Variants in RAB11FIP1 observed in about 807,000 individuals in gnomAD.
The protein encoded by RAB11FIP1 is rab11 family-interacting protein 1.
RAB11FIP1 carries 49 observed loss-of-function variants against 83.1 expected under a neutral mutation model. The ratio of observed to expected loss-of-function variants is 0.59; its 90% confidence interval spans 0.47 to 0.75. The LOEUF (loss-of-function observed/expected upper bound fraction) is 0.75, where lower values mean the gene tolerates loss of function less well. Ranked by LOEUF, RAB11FIP1 falls within the 30% of genes least tolerant of loss-of-function variation. The probability of loss-of-function intolerance (pLI) is 0.00; values close to 1 mark genes in which losing one functional copy is unlikely to be tolerated. For missense variants in RAB11FIP1, 1,536 were observed against 1,598.7 expected, an observed-to-expected ratio of 0.96 and a Z score of 0.67; for synonymous variants, 670 against 656.0, an observed-to-expected ratio of 1.02 and a Z score of -0.33.
intron 5 of RAB11FIP1, among the ~76,000 whole-genome samples, chr8:37,867,316 G>A (rs1482977519): frequency 6.6e-6 from 1 of 152,208 alleles, no homozygotes; most frequent in Non-Finnish European, 1.5e-5. Context: ...TACATTTTTA[G>A]GCTAGGGCCG....
intron 1 of RAB11FIP1, among the ~76,000 whole-genome samples, chr8:37,879,634 G>A (rs926778642): frequency 1.3e-5 from 2 of 152,216 alleles, no homozygotes; most frequent in Admixed American, 1.3e-4. Context: ...CGTAATCCCA[G>A]CACTTTGGGA....
At chr8:37,882,674 A>G (rs553588807) in intron 1 of RAB11FIP1, among the ~76,000 whole-genome samples, 1 of 152,274 alleles carries the variant, frequency 6.6e-6, no homozygotes, top group East Asian at 1.9e-4. Flanking sequence ...CTTGCCCTGA[A>G]TTCTTTCTTG....
rs765082462 is a variant in RAB11FIP1, at chr8:37,873,118, A to G, written c.1684T>C (p.Ser562Pro). The G allele has an allele frequency of 1.9e-6, 3 of 1,612,742 alleles. No individual in the cohort carries two copies. Among genetic ancestry groups the G allele is most frequent in the African/African-American group, 1.3e-5 (1 of 74,910 alleles). Residue 562 changes from serine (S) to proline (P), a missense_variant, in exon 4 of 6, where the codon TCC (serine) becomes CCC (proline). By Grantham distance (74) the Ser-to-Pro change is moderately conservative. Transcript: ENST00000330843. Reference protein sequence around the residue: ...ARLPSPTDSPSSLPPLPSSSG... With the variant: ...ARLPSPTDSPPSLPPLPSSSG... ...CTAGAAGGAAGAGGAGGAAGAGAGG[A>G]AGGGGAGTCAGTAGGGGAAGGAAGC...
intron 1 of RAB11FIP1, among the ~76,000 whole-genome samples, chr8:37,879,575 T>A (rs1178415811): frequency 1.3e-5 from 2 of 152,046 alleles, no homozygotes; most frequent in Non-Finnish European, 2.9e-5. Flanking sequence ...GACATTGAAC[T>A]GCACACTTAA....
intron 5 of RAB11FIP1, among the ~76,000 whole-genome samples, chr8:37,867,662 G>A (rs1326610668): frequency 1.3e-5 from 2 of 150,694 alleles, no homozygotes; most frequent in Non-Finnish European, 2.9e-5. Flanking sequence ...AGCTGATACC[G>A]TACCATTGCA....
chr8:37,874,722 G>T lies in RAB11FIP1; in HGVS notation c.1415C>A (p.Pro472Gln). ...EKEGMLMGVKPGEDASGPAED... is the reference protein window; with the variant it reads ...EKEGMLMGVKQGEDASGPAED... The stretch of plus-strand genomic sequence containing the variant: ...AGCAGGCCCCGATGCGTCCTCCCCC[G>T]GCTTAACCCCCATCAGCATGCCTTC... Residue 472 changes from proline to glutamine, a missense_variant, in exon 3 of 6, where the codon CCG becomes CAG. Pro to Gln is a moderately conservative substitution (Grantham distance 76). Transcript: ENST00000330843. 6 of 1,614,066 alleles carry T rather than the reference G, an allele frequency of 3.7e-6. No homozygotes were observed. Among genetic ancestry groups the T allele is most frequent in the South Asian group, 1.1e-5 (1 of 91,056 alleles).
rs1231588165 is a variant in RAB11FIP1 at position 37,859,241 on chromosome 8, T to G, written c.*3654A>C. On this transcript the variant is annotated 3_prime_UTR_variant, in exon 6 of 6. Transcript: ENST00000330843. Reference sequence around the variant, plus strand: ...TTCAGCCTTGAGAGATAATTAGTAGTTCTAGAAAAAGAAAAAAAGTTGACT... The same window carrying G: ...TTCAGCCTTGAGAGATAATTAGTAGGTCTAGAAAAAGAAAAAAAGTTGACT... The G allele has an allele frequency of 7.9e-5, 12 of 152,084 alleles. No homozygotes were observed. Among genetic ancestry groups the G allele is most frequent in the Admixed American group, 7.9e-4 (12 of 15,262 alleles). The allele number at this position is 152,084 out of a possible 1,614,324, so 9.4% of individuals were successfully genotyped here. A position where few individuals can be genotyped will look rare whatever the true frequency, so the allele number is the denominator to read the frequency against.
chr8:37,863,121 G>C lies in RAB11FIP1; in HGVS notation c.3634-8C>G. The C allele has an allele frequency of 1.2e-6, 2 of 1,600,658 alleles. No individual in the cohort carries two copies. Among genetic ancestry groups the C allele is most frequent in the Non-Finnish European group, 1.7e-6 (2 of 1,170,750 alleles). On this transcript the variant is annotated splice_polypyrimidine_tract_variant and splice_region_variant and intron_variant, in intron 5 of 5. Coordinates refer to ENST00000330843, the MANE Select transcript of RAB11FIP1 (RefSeq NM_001002814.3). Reference sequence around the variant, plus strand: ...GTCCGAGGGGCTGTATTTCTTTGGAGGGGGGGAAATAGTTGGGAAAAAGGA... The same window carrying C: ...GTCCGAGGGGCTGTATTTCTTTGGACGGGGGGAAATAGTTGGGAAAAAGGA...
rs373213452 is a variant in RAB11FIP1 at position 37,870,436 on chromosome 8, T to C, written c.3617A>G (p.Asn1206Ser). ...TATIISENLN[N>S]EVMMKKYSPS... Reference sequence around the variant, plus strand: ...AGGACATACCTTCATCATGACCTCATTGTTCAAGTTCTCACTGATGATGGT... The same window carrying C: ...AGGACATACCTTCATCATGACCTCACTGTTCAAGTTCTCACTGATGATGGT... The change falls in exon 5 of 6, where the codon AAT (asparagine) becomes AGT (serine). Residue 1206 changes from asparagine (N) to serine (S), a missense_variant. Coordinates refer to ENST00000330843, the MANE Select transcript of RAB11FIP1 (RefSeq NM_001002814.3). 4.4e-6 allele frequency: 7 copies of C among 1,604,554 alleles called. No homozygotes were observed. The highest frequency in any genetic ancestry group is 5.1e-6 in the Non-Finnish European group (6 of 1,171,520).
Position 37,899,150 on chromosome 8 carries a change from G to T in RAB11FIP1, c.292C>A (p.Leu98Ile). The T allele has an allele frequency of 6.5e-7, 1 of 1,546,556 alleles. No homozygotes were observed. The highest frequency in any genetic ancestry group is 8.7e-7 in the Non-Finnish European group (1 of 1,155,920). ...LQLTVLHRAL[L>I]GLDKFLGRAE... The stretch of plus-strand genomic sequence containing the variant: ...CGGCCCAGGAACTTGTCGAGGCCGA[G>T]CAGCGCGCGGTGCAGCACGGTGAGC... Residue 98 changes from leucine (L) to isoleucine (I), a missense_variant, in exon 1 of 6, where the codon CTC becomes ATC. Coordinates refer to ENST00000330843, the MANE Select transcript of RAB11FIP1 (RefSeq NM_001002814.3). The surrounding 1 kb of genome is among the most constrained non-coding windows in gnomAD (Gnocchi z 4.5).
rs1415200044 is a variant in RAB11FIP1 at position 37,899,120 on chromosome 8, C to G, written c.322G>C (p.Glu108Gln). 1.3e-6 allele frequency: 2 copies of G among 1,535,680 alleles called. No individual in the cohort carries two copies. The highest frequency in any genetic ancestry group is 1.7e-6 in the Non-Finnish European group (2 of 1,150,692). Residue 108 changes from glutamate (E) to glutamine (Q), a missense_variant, in exon 1 of 6, where the codon GAG becomes CAG. By Grantham distance (29) the Glu-to-Gln change is conservative. Transcript: ENST00000330843. This position sits in a 1 kb window ranked among gnomAD's most constrained non-coding sequence, Gnocchi z 4.5. ...CGGTGCAGATCCCGCAGGTCCACCTCGGCGCGGCCCAGGAACTTGTCGAGG... is the reference window on the plus strand; with the variant it reads ...CGGTGCAGATCCCGCAGGTCCACCTGGGCGCGGCCCAGGAACTTGTCGAGG... ...LGLDKFLGRA[E>Q]VDLRDLHRDQ...
In RAB11FIP1 at chr8:37,862,904, T is replaced by A. The variant is rs756437525; in HGVS notation, c.3843A>T (p.Gly1281=). Residue 1281 remains glycine, a synonymous_variant, in exon 6 of 6, where the codon GGA becomes GGT. Coordinates refer to ENST00000330843, the MANE Select transcript of RAB11FIP1 (RefSeq NM_001002814.3). The part of the protein sequence containing the change: ...RIPTQVGKKA[G]KM ...TTTTTTTTCTGCTGATTTACATCTT[T>A]CCTGCTTTTTTGCCAACCTGAGTCG... 1 of 1,610,256 alleles carries A rather than the reference T, an allele frequency of 6.2e-7. No homozygotes were observed. Among genetic ancestry groups the A allele is most frequent in the Admixed American group, 1.7e-5 (1 of 59,712 alleles).
At chr8:37,891,293 A>G (rs948861938) in intron 1 of RAB11FIP1, among the ~76,000 whole-genome samples, 3 of 152,182 alleles carry the variant, frequency 2.0e-5, no homozygotes, top group African/African-American at 7.2e-5. Context: ...ATGACCTCCC[A>G]TCACTCTCTC....
Position 37,872,887 on chromosome 8 carries a change from C to G in RAB11FIP1, c.1915G>C (p.Glu639Gln). 6.2e-7 allele frequency: 1 copy of G among 1,614,208 alleles called. No individual in the cohort carries two copies. The highest frequency in any genetic ancestry group is 8.5e-7 in the Non-Finnish European group (1 of 1,180,032). The change falls in exon 4 of 6, where the codon GAG (glutamate) becomes CAG (glutamine). Residue 639 changes from glutamate (E) to glutamine (Q), a missense_variant. Glu to Gln is a conservative substitution (Grantham distance 29). Transcript: ENST00000330843. ...PLLPKAELQT[E>Q]SLTPVPNSGS... is the part of the protein sequence containing the mutation. ...GAATTTGGAACCGGTGTTAAACTCT[C>G]AGTTTGCAACTCTGCCTTAGGGAGC...
intron 1 of RAB11FIP1, among the ~76,000 whole-genome samples, chr8:37,892,207 A>T (rs1182223562): frequency 6.6e-6 from 1 of 152,098 alleles, no homozygotes; most frequent in African/African-American, 2.4e-5. Flanking sequence ...TGAACCTCCA[A>T]GATATTTCTT....
Position 37,871,850 on chromosome 8 carries a change from A to G in RAB11FIP1, c.2952T>C (p.Asp984=), listed in dbSNP as rs1400714404. The G allele has an allele frequency of 6.2e-7, 1 of 1,613,938 alleles. No individual in the cohort carries two copies. Among genetic ancestry groups the G allele is most frequent in the East Asian group, 2.2e-5 (1 of 44,876 alleles). ...QVEDDGDQVE[D]DGETAKSSTL... ...TTGACGACTTTGCTGTCTCTCCATC[A>G]TCTTCAACCTGATCTCCGTCATCTT... The change falls in exon 4 of 6, where the codon GAT becomes GAC. Residue 984 remains aspartate, a synonymous_variant. Transcript: ENST00000330843.
At chr8:37,894,028 G>C (rs910490533) in intron 1 of RAB11FIP1, among the ~76,000 whole-genome samples, 2 of 152,156 alleles carry the variant, frequency 1.3e-5, no homozygotes, top group African/African-American at 4.8e-5. Flanking sequence ...GAGAATTCAG[G>C]CTTGAGCACT....
chr8:37,871,555 G>T lies in RAB11FIP1; in HGVS notation c.3247C>A (p.Pro1083Thr), dbSNP rs776133149. 1.9e-6 allele frequency: 3 copies of T among 1,600,580 alleles called. No homozygotes were observed. Among genetic ancestry groups the T allele is most frequent in the Middle Eastern group, 1.7e-4 (1 of 5,994 alleles). ...AGGGATGTGCCAGGAGGCGGGCTTG[G>T]ACTCCCATTTCCCATCGGTTTTTCT... ...EEEKPMGNGS[P>T]SPPPGTSLDN... Residue 1083 changes from proline to threonine, a missense_variant, in exon 4 of 6, where the codon CCA becomes ACA. Coordinates refer to ENST00000330843, the MANE Select transcript of RAB11FIP1 (RefSeq NM_001002814.3).
intron 1 of RAB11FIP1, among the ~76,000 whole-genome samples, chr8:37,879,754 A>G (rs1806697836): frequency 6.6e-6 from 1 of 151,936 alleles, no homozygotes; most frequent in Non-Finnish European, 1.5e-5. Flanking sequence ...GTTGTGCCAC[A>G]TGCCTGTAAT....
Sources: allele counts gnomAD v4.1 joint callset (sites outside exome capture counted in the v4.1 genomes callset), GRCh38; gene constraint gnomAD v4.1.1; non-coding constraint Gnocchi (gnomAD v3.1); transcripts MANE v1.5; gene names NCBI Gene and HGNC (gene_info 2026-07-23, HGNC 2026-07-21).